The following RIMBP2 variants were observed in gnomAD, a reference collection of about 807,000 sequenced individuals.
RIMBP2 encodes the protein RIMS-binding protein 2.
RIMBP2 carries 48 observed loss-of-function variants against 118.6 expected under a neutral mutation model. The observed-to-expected ratio is 0.40, with a 90% CI of 0.32 to 0.51. The LOEUF (loss-of-function observed/expected upper bound fraction) is 0.51. Ranked by LOEUF, RIMBP2 falls within the 20% of genes least tolerant of loss-of-function variation. The pLI is 0.41. For missense variants in RIMBP2, 1,551 were observed against 1,768.3 expected, an observed-to-expected ratio of 0.88 and a Z score of 2.20; for synonymous variants, 762 against 742.9, an observed-to-expected ratio of 1.03 and a Z score of -0.42.
chr12:130,666,914 AAGAG>A (rs376110824), intron 1 of RIMBP2, among the ~76,000 whole-genome samples: 32 of 121,614 alleles, frequency 2.6e-4, no homozygotes, highest in African/African-American at 7.0e-4. Context: ...GGGAGGGAGA[AAGAG>A]AGGGAGGGAA....
rs1164518797 is a variant in RIMBP2 at position 130,434,642 on chromosome 12, CG to C, written c.2253+91del. 117 of 1,361,084 alleles carry C rather than the reference CG, an allele frequency of 8.6e-5. 1 individual carries two copies. The South Asian group carries it at 1.1e-3, about 13-fold the overall frequency. The allele number at this position is 1,361,084 out of a possible 1,614,324, so 84.3% of individuals were successfully genotyped here. A position where few individuals can be genotyped will look rare whatever the true frequency, so the allele number is the denominator to read the frequency against. On this transcript the variant is annotated intron_variant, in intron 14 of 22. Transcript: ENST00000690449. The surrounding 1 kb of genome is among the most constrained non-coding windows in gnomAD (Gnocchi z 5.7). ...ATCTCTCTCAGGGACCCAAGGGTAG[CG>C]GGGAAAGTGCCCATGTCTCTTGATC...
intron 1 of RIMBP2, among the ~76,000 whole-genome samples, chr12:130,641,548 C>G (rs2141028405): frequency 6.6e-6 from 1 of 152,342 alleles, no homozygotes; most frequent in East Asian, 1.9e-4. Flanking sequence ...CAGCGCTTTG[C>G]CTTTCTTCTG....
At chr12:130,443,442 A>C (rs558746106) in intron 10 of RIMBP2, among the ~76,000 whole-genome samples, 11 of 152,194 alleles carry the variant, frequency 7.2e-5, no homozygotes, top group Non-Finnish European at 1.3e-4. Flanking sequence ...ATCTTCCAGC[A>C]CAGACCCAGA....
At chr12:130,506,803 A>T in intron 3 of RIMBP2, 33 bp from the exon 4 acceptor site, 1 of 985,644 alleles carries the variant, frequency 1.0e-6, no homozygotes, top group Non-Finnish European at 1.2e-6. Flanking sequence ...CAAGGAGGTT[A>T]TCACAACATG....
intron 2 of RIMBP2, among the ~76,000 whole-genome samples, chr12:130,539,953 G>A (rs1310964690): frequency 5.6e-5 from 6 of 107,656 alleles, no homozygotes; most frequent in African/African-American, 1.4e-4. Context: ...AAATGCAGTA[G>A]ATGAGGTGGC....
intron 14 of RIMBP2, among the ~76,000 whole-genome samples, chr12:130,432,803 T>C (rs1399939550): frequency 2.0e-5 from 3 of 152,182 alleles, no homozygotes; most frequent in Non-Finnish European, 4.4e-5. Flanking sequence ...ACCTGATCTA[T>C]GGTATTCTGT....
chr12:130,412,834 C>A, intron 18 of RIMBP2, 47 bp from the exon 19 acceptor site: 1 of 1,545,570 alleles, frequency 6.5e-7, no homozygotes, highest in Non-Finnish European at 8.8e-7. Flanking sequence ...TTGATTGGTT[C>A]AGAAATACAA....
chr12:130,451,145 G>C (rs753895477), intron 8 of RIMBP2, 50 bp downstream of exon 8: 1 of 1,592,338 alleles, frequency 6.3e-7, no homozygotes, highest in South Asian at 1.1e-5. Context: ...GTCCACACCA[G>C]ACACACACAG....
intron 1 of RIMBP2, among the ~76,000 whole-genome samples, chr12:130,629,667 G>GCTA (rs1365643907): frequency 1.3e-5 from 2 of 152,288 alleles, no homozygotes; most frequent in African/African-American, 4.8e-5. Flanking sequence ...GTAGGTGGAT[G>GCTA]CTACCCCTCA....
rs2077562467 is a variant in RIMBP2 at position 130,436,920 on chromosome 12, T to A, written c.2028A>T (p.Pro676=). ...SPSPSRILPQ[P]QGTPVSTTVA... ...CGGTGGTGGACACCGGGGTGCCCTG[T>A]GGCTGTGGCAGGATGCGGCTGGGTG... is the stretch of plus-strand genomic sequence containing the variant. The change falls in exon 13 of 23, where the codon CCA becomes CCT. Residue 676 remains proline (P), a synonymous_variant. Transcript: ENST00000690449. 6.2e-6 allele frequency: 10 copies of A among 1,603,450 alleles called. No homozygotes were observed. The highest frequency in any genetic ancestry group is 8.5e-6 in the Non-Finnish European group (10 of 1,176,314).
chr12:130,489,051 A>G (rs1373557296), intron 4 of RIMBP2, among the ~76,000 whole-genome samples: 4 of 152,212 alleles, frequency 2.6e-5, no homozygotes, highest in African/African-American at 9.7e-5. Context: ...GAGCTTAAAC[A>G]GCCTGGCAGG....
At chr12:130,540,998 G>A (rs1348685386) in intron 2 of RIMBP2, among the ~76,000 whole-genome samples, 1 of 152,148 alleles carries the variant, frequency 6.6e-6, no homozygotes, top group South Asian at 2.1e-4. Context: ...GAGAGGCTTG[G>A]AGGGCTACCA....
At position 130,424,080 on chromosome 12, in the gene RIMBP2, G is replaced by C; in HGVS notation, c.3129+62C>G. ...GGACACCAGAACAAACAGAAAACCA[G>C]TGAAAGGATGGGACAGATTGGTTTG... On this transcript the variant is annotated intron_variant, in intron 16 of 22. Transcript: ENST00000690449. This position sits in a 1 kb window ranked among gnomAD's most constrained non-coding sequence, Gnocchi z 9.8. The C allele has an allele frequency of 2.2e-6, 2 of 914,506 alleles. No homozygotes were observed. Among genetic ancestry groups the C allele is most frequent in the Non-Finnish European group, 2.9e-6 (2 of 697,928 alleles). 56.6% of individuals were successfully genotyped at this position (914,506 alleles called of 1,614,324 possible).
Position 130,424,478 on chromosome 12 carries a change from C to T in RIMBP2, c.2793G>A (p.Arg931=). The T allele has an allele frequency of 8.1e-7, 1 of 1,232,166 alleles. No homozygotes were observed. The highest frequency in any genetic ancestry group is 1.0e-6 in the Non-Finnish European group (1 of 987,856). 76.3% of individuals were successfully genotyped at this position (1,232,166 alleles called of 1,614,324 possible). A position where few individuals can be genotyped will look rare whatever the true frequency, so the allele number is the denominator to read the frequency against. The change falls in exon 16 of 23, where the codon CGG becomes CGA. Residue 931 remains arginine, a synonymous_variant. Transcript: ENST00000690449. The surrounding 1 kb of genome is among the most constrained non-coding windows in gnomAD (Gnocchi z 9.8). ...CGGCCACGGTGTTTCCGAAGCCAAA[C>T]CGCGACTCGTCCTCTTCACTCCCAC... ...LDCGSEEDES[R]FGFGNTVAAC...
At position 130,445,184 on chromosome 12, in the gene RIMBP2, T is replaced by C. The variant is rs2078425721; in HGVS notation, c.667A>G (p.Met223Val). ...CCTTCATAGAACCCATCCTCATCCA[T>C]GTCTCCATAGACGTAGAGGTATTTT... Reference protein sequence around the residue: ...AGKYLYVYGDMDEDGFYEGEL... With the variant: ...AGKYLYVYGDVDEDGFYEGEL... Residue 223 changes from methionine to valine, a missense_variant, in exon 10 of 23, where the codon ATG (methionine) becomes GTG (valine). Physicochemically the swap from Met to Val is conservative, Grantham distance 21. Coordinates refer to ENST00000690449, the MANE Select transcript of RIMBP2 (RefSeq NM_001393629.1). 2 of 1,611,034 alleles carry C rather than the reference T, an allele frequency of 1.2e-6. No homozygotes were observed. Among genetic ancestry groups the C allele is most frequent in the Middle Eastern group, 1.7e-4 (1 of 6,054 alleles).
chr12:130,456,606 C>T lies in RIMBP2; in HGVS notation c.248G>A (p.Gly83Asp), dbSNP rs1204637655. 1 of 1,613,696 alleles carries T rather than the reference C, an allele frequency of 6.2e-7. No homozygotes were observed. Among genetic ancestry groups the T allele is most frequent in the South Asian group, 1.1e-5 (1 of 91,070 alleles). ...RDLEKFRQHA[G>D]KIDLLGGSAV... ...GCTGCCACCCAGCAGGTCAATCTTG[C>T]CAGCGTGCTGCCGGAACTTCTCCAG... Residue 83 changes from glycine to aspartate, a missense_variant, in exon 7 of 23, where the codon GGC becomes GAC. Physicochemically the swap from Gly to Asp is moderately conservative, Grantham distance 94 (BLOSUM62 -1). Coordinates refer to ENST00000690449, the MANE Select transcript of RIMBP2 (RefSeq NM_001393629.1).
At chr12:130,432,294 A>T (rs2077200980) in intron 14 of RIMBP2, 1 of 456,454 alleles carries the variant, frequency 2.2e-6, no homozygotes, top group Admixed American at 2.3e-5. Context: ...ATGGACAAAA[A>T]TTCTCAATTC....
At chr12:130,559,261 T>G (rs1384468668) in intron 2 of RIMBP2, among the ~76,000 whole-genome samples, 2 of 152,156 alleles carry the variant, frequency 1.3e-5, no homozygotes, top group Non-Finnish European at 2.9e-5. Context: ...TCTCTTAGAA[T>G]TTATTCCACC....
chr12:130,559,992 G>A (rs970489403), intron 2 of RIMBP2, among the ~76,000 whole-genome samples: 3 of 152,314 alleles, frequency 2.0e-5, no homozygotes, highest in Admixed American at 2.0e-4. Flanking sequence ...TACAGAGAGG[G>A]AAACTGAGAA....
Sources: gnomAD v4.1 joint callset for allele counts (sites outside exome capture counted in the v4.1 genomes callset) on GRCh38, gnomAD v4.1.1 for gene constraint, Gnocchi (gnomAD v3.1) non-coding constraint, MANE v1.5 for transcripts, NCBI Gene and HGNC (gene_info 2026-07-23, HGNC 2026-07-21) for gene names.